The following SLIT3 variants were observed in gnomAD, a reference collection of about 807,000 sequenced individuals.
The protein encoded by SLIT3 is slit guidance ligand 3.
Under a neutral mutation model 184.0 loss-of-function variants are expected in SLIT3, and 68 were observed. The ratio of observed to expected loss-of-function variants is 0.37; its 90% CI spans 0.30 to 0.45. The LOEUF is 0.45. Among genes scored for constraint, SLIT3 ranks in the 20% least tolerant of loss-of-function variants. The pLI is 1.00. For synonymous variants in SLIT3, 831 were observed against 828.6 expected (o/e 1.00, Z -0.05); for missense variants, 1,707 against 2,026.0 (o/e 0.84, Z 3.02).
intron 12 of SLIT3, among the ~76,000 whole-genome samples, chr5:168,776,325 T>C (rs1420708966): frequency 6.6e-6 from 1 of 152,206 alleles, no homozygotes; most frequent in Non-Finnish European, 1.5e-5. Context: ...TTAATCTGTC[T>C]AATAATGGGC....
intron 4 of SLIT3, among the ~76,000 whole-genome samples, chr5:168,907,979 T>TATATATAGAG (rs376418381): frequency 8.0e-5 from 4 of 50,088 alleles, no homozygotes; most frequent in East Asian, 4.9e-4. Context: ...TATATATATA[T>TATATATAGAG]AGAGAGAGAG....
At chr5:169,077,965 C>A (rs891613708) in intron 4 of SLIT3, among the ~76,000 whole-genome samples, 2 of 152,182 alleles carry the variant, frequency 1.3e-5, no homozygotes, top group South Asian at 4.2e-4. Flanking sequence ...CCTGCCTTGC[C>A]AAGTTCATTG....
intron 4 of SLIT3, among the ~76,000 whole-genome samples, chr5:169,169,999 C>CAGAGGGAAT (rs879861348): frequency 1.3e-5 from 2 of 152,300 alleles, no homozygotes; most frequent in East Asian, 3.9e-4. Flanking sequence ...CCCTTCCTCG[C>CAGAGGGAAT]AGAGGGAATA....
At chr5:168,813,687 G>C (rs1033123260) in intron 8 of SLIT3, among the ~76,000 whole-genome samples, 6 of 152,218 alleles carry the variant, frequency 3.9e-5, no homozygotes, top group Admixed American at 2.0e-4. Context: ...GCAAATTTCT[G>C]GGTTAGCTGG....
chr5:168,710,492 A>G lies in SLIT3; in HGVS notation c.2719+403T>C, dbSNP rs573201574. 2.6e-5 allele frequency among the ~76,000 whole-genome samples: 4 copies of G among 152,300 alleles called. No individual in the cohort carries two copies. The East Asian group carries it at 7.7e-4, about 29-fold the overall frequency. Reference sequence around the variant, plus strand: ...GAAGATTTTTCTCAAGGCCAGGTGCAGTGGCTTATGCCTGTAATCCCAGCA... The same window carrying G: ...GAAGATTTTTCTCAAGGCCAGGTGCGGTGGCTTATGCCTGTAATCCCAGCA... On this transcript the variant is annotated intron_variant, in intron 25 of 35. Coordinates refer to ENST00000519560, the MANE Select transcript of SLIT3 (RefSeq NM_003062.4).
intron 3 of SLIT3, among the ~76,000 whole-genome samples, chr5:169,206,418 C>T (rs1764069186): frequency 6.6e-6 from 1 of 152,210 alleles, no homozygotes; most frequent in East Asian, 1.9e-4. Flanking sequence ...AGGTCTCCAA[C>T]CCCTTCGACT....
At chr5:168,734,796 A>T (rs1263419657) in intron 20 of SLIT3, among the ~76,000 whole-genome samples, 4 of 152,142 alleles carry the variant, frequency 2.6e-5, no homozygotes, top group African/African-American at 9.6e-5. Context: ...GCATTCTCGC[A>T]CTCTGCCTGG....
At chr5:169,235,482 CT>C (rs1167489036) in intron 3 of SLIT3, among the ~76,000 whole-genome samples, 1 of 152,202 alleles carries the variant, frequency 6.6e-6, no homozygotes, top group Non-Finnish European at 1.5e-5. Context: ...CCAATTTCCC[CT>C]ATTAACATCT....
chr5:169,153,426 T>A (rs1581465131), intron 4 of SLIT3, among the ~76,000 whole-genome samples: 1 of 152,366 alleles, frequency 6.6e-6, no homozygotes, highest in South Asian at 2.1e-4. Flanking sequence ...CAAATTCTTT[T>A]AACAAATATT....
chr5:169,120,353 A>G (rs1381453672), intron 4 of SLIT3: 1 of 152,232 alleles, frequency 6.6e-6, no homozygotes, highest in African/African-American at 2.4e-5. Flanking sequence ...ACAGAGTTCC[A>G]CACTGGGCCT....
At chr5:168,704,097 A>T (rs1044593417) in intron 26 of SLIT3, among the ~76,000 whole-genome samples, 1 of 144,450 alleles carries the variant, frequency 6.9e-6, no homozygotes, top group Non-Finnish European at 1.5e-5. Flanking sequence ...GGAGCTGATT[A>T]AAAAAAAAAA....
intron 4 of SLIT3, among the ~76,000 whole-genome samples, chr5:169,103,285 A>G (rs1188891997): frequency 6.6e-6 from 1 of 152,240 alleles, no homozygotes; most frequent in Non-Finnish European, 1.5e-5. Context: ...CACATTGTGT[A>G]AAATAGACAA....
chr5:169,263,734 C>T (rs991308887), intron 1 of SLIT3: 1 of 504,884 alleles, frequency 2.0e-6, no homozygotes, highest in Non-Finnish European at 4.0e-6. Context: ...CCATCTCGTG[C>T]TGGCTTCTCC....
intron 4 of SLIT3, among the ~76,000 whole-genome samples, chr5:168,896,295 C>T (rs1760659868): frequency 6.6e-6 from 1 of 152,088 alleles, no homozygotes; most frequent in Non-Finnish European, 1.5e-5. Flanking sequence ...ATAATGCGGA[C>T]CATGAAAATA....
At chr5:168,955,047 C>T (rs1187071489) in intron 4 of SLIT3, among the ~76,000 whole-genome samples, 1 of 145,984 alleles carries the variant, frequency 6.9e-6, no homozygotes, top group Non-Finnish European at 1.5e-5. Flanking sequence ...CCTGGCTACA[C>T]AGCCCAGGCC....
chr5:169,159,046 G>T (rs1294746937), intron 4 of SLIT3, among the ~76,000 whole-genome samples: 2 of 152,122 alleles, frequency 1.3e-5, no homozygotes, highest in Non-Finnish European at 2.9e-5. Context: ...GCTTTGGGAG[G>T]CTGAGGCGGG....
intron 4 of SLIT3, among the ~76,000 whole-genome samples, chr5:169,126,395 G>A (rs937384347): frequency 1.3e-5 from 2 of 152,202 alleles, no homozygotes; most frequent in South Asian, 2.1e-4. Flanking sequence ...ACACCATGAT[G>A]TTGCTAAAGG....
intron 33 of SLIT3, among the ~76,000 whole-genome samples, chr5:168,671,908 C>A (rs1026445454): frequency 6.6e-6 from 1 of 152,072 alleles, no homozygotes; most frequent in African/African-American, 2.4e-5. Flanking sequence ...GAATCCAGGG[C>A]AGGTGAGCTA....
chr5:169,097,673 A>G (rs956129001), intron 4 of SLIT3, among the ~76,000 whole-genome samples: 2 of 152,178 alleles, frequency 1.3e-5, no homozygotes, highest in Non-Finnish European at 2.9e-5. Context: ...TTCTGGCCAG[A>G]GGGGGCTGTT....
Sources: allele counts gnomAD v4.1 joint callset (sites outside exome capture counted in the v4.1 genomes callset), GRCh38; gene constraint gnomAD v4.1.1; transcripts MANE v1.5; gene names NCBI Gene and HGNC (gene_info 2026-07-23, HGNC 2026-07-21).